PRKG2: variants seen among roughly 807,000 people sequenced by gnomAD.
The protein encoded by PRKG2 is protein kinase cGMP-dependent 2.
PRKG2 carries 33 observed loss-of-function variants against 97.2 expected under a neutral mutation model. The ratio of observed to expected loss-of-function variants is 0.34; its 90% CI spans 0.26 to 0.45. PRKG2 has a LOEUF of 0.45. Among genes scored for constraint, PRKG2 ranks in the 20% least tolerant of loss-of-function variants. PRKG2 has a pLI of 1.00. For missense variants in PRKG2, 638 were observed against 900.0 expected, an observed-to-expected ratio of 0.71 and a Z score of 3.73; for synonymous variants, 330 against 321.8, an observed-to-expected ratio of 1.03 and a Z score of -0.27.
intron 2 of PRKG2, among the ~76,000 whole-genome samples, chr4:81,203,698 A>G (rs1255017334): frequency 6.6e-6 from 1 of 152,130 alleles, no homozygotes; most frequent in Non-Finnish European, 1.5e-5. Context: ...TTTCGCCCAT[A>G]AAGAAATGCA....
rs762286915 is a variant in PRKG2 at position 81,204,673 on chromosome 4, C to T, written c.375G>A (p.Val125=). ...AGGTCCGGGTTGTTGGCTCAGCAGA[C>T]ACGCCAGCCTTTGCTCCCCTCCTGC... ...LHSRRGAKAG[V]SAEPTTRTYD... Residue 125 remains valine (V), a synonymous_variant, in exon 2 of 19, where the codon GTG becomes GTA. Transcript: ENST00000264399. The T allele has an allele frequency of 3.7e-6, 6 of 1,614,174 alleles. No individual in the cohort carries two copies. The Admixed American group carries it at 1.0e-4, about 27-fold the overall frequency.
intron 17 of PRKG2, among the ~76,000 whole-genome samples, chr4:81,098,095 G>A (rs187121036): frequency 1.2e-3 from 185 of 152,226 alleles, no homozygotes; most frequent in African/African-American, 4.2e-3. Context: ...AGACCCACCC[G>A]TAATCTCAGT....
chr4:81,186,446 C>A (rs1443538464), intron 2 of PRKG2, among the ~76,000 whole-genome samples: 1 of 152,084 alleles, frequency 6.6e-6, no homozygotes, highest in African/African-American at 2.4e-5. Flanking sequence ...CACAATGTAC[C>A]AGAATTTCTG....
chr4:81,124,671 T>G (rs546011871), intron 14 of PRKG2, among the ~76,000 whole-genome samples: 3 of 152,266 alleles, frequency 2.0e-5, no homozygotes, highest in African/African-American at 7.2e-5. Context: ...CACCTTGGAT[T>G]CGGTTCCTCT....
chr4:81,113,992 T>A (rs2109988088), intron 14 of PRKG2, among the ~76,000 whole-genome samples: 1 of 152,256 alleles, frequency 6.6e-6, no homozygotes, highest in Middle Eastern at 3.4e-3. Flanking sequence ...ACTCTTTATG[T>A]TTGGTGTACA....
chr4:81,203,029 C>G, intron 2 of PRKG2, among the ~76,000 whole-genome samples: 1 of 151,650 alleles, frequency 6.6e-6, no homozygotes. Flanking sequence ...ATTATACTTA[C>G]GTGTACATAT....
At chr4:81,157,698 C>T (rs999096995) in intron 6 of PRKG2, among the ~76,000 whole-genome samples, 1 of 151,882 alleles carries the variant, frequency 6.6e-6, no homozygotes, top group African/African-American at 2.4e-5. Context: ...ACTGGCAAAC[C>T]GAATCCAGCA....
chr4:81,154,929 C>G (rs533312280), intron 6 of PRKG2, among the ~76,000 whole-genome samples: 1 of 152,196 alleles, frequency 6.6e-6, no homozygotes, highest in South Asian at 2.1e-4. Context: ...AATCCCAGCA[C>G]TTTGGGAGGC....
intron 1 of PRKG2, among the ~76,000 whole-genome samples, chr4:81,206,903 A>C (rs1212842405): frequency 6.6e-6 from 1 of 152,260 alleles, no homozygotes; most frequent in Non-Finnish European, 1.5e-5. Context: ...TTATAAAAGC[A>C]ATCTTGAAAC....
At position 81,183,492 on chromosome 4, in the gene PRKG2, C is replaced by T. The variant is rs1027273492; in HGVS notation, c.462-8533G>A. Reference sequence around the variant, plus strand: ...ACGCTTTTCCCATGGTCTTCACAACCTGCAGACCAGGAGATTCCCTTGGGT... The same window carrying T: ...ACGCTTTTCCCATGGTCTTCACAACTTGCAGACCAGGAGATTCCCTTGGGT... On this transcript the variant is annotated intron_variant, in intron 2 of 18. Coordinates refer to ENST00000264399, the MANE Select transcript of PRKG2 (RefSeq NM_006259.3). 3.9e-5 allele frequency among the ~76,000 whole-genome samples: 6 copies of T among 152,178 alleles called. No individual in the cohort carries two copies. The South Asian group carries it at 6.2e-4, about 16-fold the overall frequency.
Position 81,167,237 on chromosome 4 carries a change from A to G in PRKG2, c.849-13T>C. 1 of 1,540,832 alleles carries G rather than the reference A, an allele frequency of 6.5e-7. No individual in the cohort carries two copies. The highest frequency in any genetic ancestry group is 8.8e-7 in the Non-Finnish European group (1 of 1,131,502). On this transcript the variant is annotated splice_polypyrimidine_tract_variant and intron_variant, in intron 5 of 18. Coordinates refer to ENST00000264399, the MANE Select transcript of PRKG2 (RefSeq NM_006259.3). Reference sequence around the variant, plus strand: ...CAGCAAGGATACACTTCAAAATTAAAAAGAAACCTTCAATTACCTTCCTGA... The same window carrying G: ...CAGCAAGGATACACTTCAAAATTAAGAAGAAACCTTCAATTACCTTCCTGA...
intron 2 of PRKG2, among the ~76,000 whole-genome samples, chr4:81,195,324 G>A (rs753801799): frequency 4.6e-5 from 7 of 152,110 alleles, no homozygotes; most frequent in Non-Finnish European, 8.8e-5. Flanking sequence ...AACCTGAAAC[G>A]TGGCCTGGCA....
At chr4:81,191,513 G>A (rs1425612261) in intron 2 of PRKG2, among the ~76,000 whole-genome samples, 1 of 152,014 alleles carries the variant, frequency 6.6e-6, no homozygotes, top group Non-Finnish European at 1.5e-5. Context: ...AGCAAAACCA[G>A]CATGGCACGT....
At position 81,110,585 on chromosome 4, in the gene PRKG2, T is replaced by C; in HGVS notation, c.1803A>G (p.Ile601Met). Residue 601 changes from isoleucine (I) to methionine (M), a missense_variant, in exon 15 of 19, where the codon ATA (isoleucine) becomes ATG (methionine). This residue lies in a region of PRKG2 where 304 missense variants were observed against 460.5 expected (regional missense o/e 0.66). Coordinates refer to ENST00000264399, the MANE Select transcript of PRKG2 (RefSeq NM_006259.3). ...ATGTCCATGTTTTCTGTCCAGACCC[T>C]ATTTTCTTCGCAAATCCAAAGTCAA... ...KLVDFGFAKK[I>M]GSGQKTWTFC... 6.2e-7 allele frequency: 1 copy of C among 1,613,750 alleles called. No individual in the cohort carries two copies. The highest frequency in any genetic ancestry group is 8.5e-7 in the Non-Finnish European group (1 of 1,179,926).
chr4:81,169,804 T>C (rs770586885), intron 4 of PRKG2, 36 bp from the exon 5 acceptor site: 7 of 1,333,416 alleles, frequency 5.2e-6, no homozygotes, highest in Middle Eastern at 1.8e-4. Flanking sequence ...AAACACTTAG[T>C]ACAACATTGT....
At chr4:81,184,555 G>A (rs1407638967) in intron 2 of PRKG2, among the ~76,000 whole-genome samples, 1 of 152,144 alleles carries the variant, frequency 6.6e-6, no homozygotes, top group Non-Finnish European at 1.5e-5. Context: ...CAAAAAGGCT[G>A]AAAATTCCAA....
chr4:81,164,324 T>C (rs965423565), intron 6 of PRKG2, among the ~76,000 whole-genome samples: 3 of 152,108 alleles, frequency 2.0e-5, no homozygotes, highest in Non-Finnish European at 4.4e-5. Flanking sequence ...TCTCCAGACT[T>C]TGGACTAGTG....
At chr4:81,149,571 T>C (rs1748185978) in intron 8 of PRKG2, among the ~76,000 whole-genome samples, 1 of 152,182 alleles carries the variant, frequency 6.6e-6, no homozygotes, top group South Asian at 2.1e-4. Flanking sequence ...GTGCATCTTA[T>C]AATTGACATC....
chr4:81,217,033 A>G (rs962144061), upstream of PRKG2, among the ~76,000 whole-genome samples: 40 of 131,570 alleles, frequency 3.0e-4, no homozygotes, highest in Admixed American at 4.5e-4. Flanking sequence ...TATATTTTGT[A>G]TATATATATA....
Sources: allele counts gnomAD v4.1 joint callset (sites outside exome capture counted in the v4.1 genomes callset), GRCh38; gene constraint gnomAD v4.1.1; regional missense constraint gnomAD v4.1.1; transcripts MANE v1.5; gene names NCBI Gene and HGNC (gene_info 2026-07-23, HGNC 2026-07-21).